The following SGMS2 variants were observed in gnomAD, a reference collection of about 807,000 sequenced individuals.
SGMS2 encodes phosphatidylcholine:ceramide cholinephosphotransferase 2.
A neutral mutation model predicts 43.8 loss-of-function variants in SGMS2; 21 were observed. The ratio of observed to expected loss-of-function variants is 0.48; its 90% CI spans 0.34 to 0.69. The LOEUF (loss-of-function observed/expected upper bound fraction) is 0.69, where lower values mean the gene tolerates loss of function less well. SGMS2 is among the 30% of genes least tolerant of loss of function. The pLI, the probability that SGMS2 is intolerant of heterozygous loss-of-function variation, is 0.01. For missense variants in SGMS2, 384 were observed against 443.2 expected (o/e 0.87, Z 1.20); for synonymous variants, 167 against 160.6 (o/e 1.04, Z -0.30).
At chr4:107,838,254 T>C (rs1479423262) in intron 1 of SGMS2, among the ~76,000 whole-genome samples, 1 of 152,096 alleles carries the variant, frequency 6.6e-6, no homozygotes, top group African/African-American at 2.4e-5. Flanking sequence ...AAGAGTTGAG[T>C]AAGATGAGAA....
intron 2 of SGMS2, among the ~76,000 whole-genome samples, chr4:107,885,029 T>G (rs1286506338): frequency 2.6e-5 from 4 of 152,216 alleles, no homozygotes; most frequent in Admixed American, 2.6e-4. Flanking sequence ...GATGGCAGTT[T>G]CATTAGTTCA....
intron 6 of SGMS2, among the ~76,000 whole-genome samples, chr4:107,909,801 T>C (rs1392062993): frequency 1.3e-5 from 2 of 152,234 alleles, no homozygotes; most frequent in Non-Finnish European, 2.9e-5. Context: ...AATTGAAATA[T>C]TACATTTCCA....
intron 2 of SGMS2, among the ~76,000 whole-genome samples, chr4:107,879,964 A>G (rs773354950): frequency 9.9e-5 from 15 of 152,096 alleles, no homozygotes; most frequent in Non-Finnish European, 1.9e-4. Flanking sequence ...TCAGATAACC[A>G]CTAATTACTT....
At chr4:107,887,787 A>AT (rs994556333) in intron 2 of SGMS2, among the ~76,000 whole-genome samples, 12 of 152,318 alleles carry the variant, frequency 7.9e-5, no homozygotes, top group African/African-American at 2.9e-4. Context: ...AGGAGACTTA[A>AT]TTTTCCAAAC....
intron 1 of SGMS2, among the ~76,000 whole-genome samples, chr4:107,849,745 C>G (rs1215303525): frequency 6.6e-6 from 1 of 152,182 alleles, no homozygotes. Flanking sequence ...GTCTTTTCCC[C>G]AGAAAGCCCT....
intron 2 of SGMS2, chr4:107,864,200 G>A (rs1053150210): frequency 6.6e-6 from 1 of 152,222 alleles, no homozygotes; most frequent in Non-Finnish European, 1.5e-5. Flanking sequence ...ATCTTTGCAA[G>A]GGAAATCAGA....
chr4:107,891,049 G>T (rs1730169280), intron 2 of SGMS2, among the ~76,000 whole-genome samples: 1 of 152,020 alleles, frequency 6.6e-6, no homozygotes. Flanking sequence ...GCTTTGTTAT[G>T]TAAATAAAGC....
At chr4:107,907,904 T>C (rs1731720290) in intron 5 of SGMS2, 1 of 152,218 alleles carries the variant, frequency 6.6e-6, no homozygotes, top group Non-Finnish European at 1.5e-5. Context: ...CTCTTACAGC[T>C]AGTAAGTAGA....
At chr4:107,864,609 G>A (rs1163476135) in intron 2 of SGMS2, among the ~76,000 whole-genome samples, 1 of 152,144 alleles carries the variant, frequency 6.6e-6, no homozygotes, top group Non-Finnish European at 1.5e-5. Context: ...TTAAAAATAT[G>A]TGTTTTTAAT....
chr4:107,896,588 A>T (rs531042129), intron 3 of SGMS2, among the ~76,000 whole-genome samples: 1 of 152,254 alleles, frequency 6.6e-6, no homozygotes, highest in Non-Finnish European at 1.5e-5. Flanking sequence ...CTGAGTTTAG[A>T]ACCAGATCCA....
chr4:107,846,376 C>T (rs1330305898), intron 1 of SGMS2, among the ~76,000 whole-genome samples: 1 of 148,258 alleles, frequency 6.7e-6, no homozygotes, highest in East Asian at 2.0e-4. Flanking sequence ...GGTTTTTTGT[C>T]CTTGCGATAG....
At chr4:107,880,218 T>C (rs548351625) in intron 2 of SGMS2, among the ~76,000 whole-genome samples, 129 of 152,278 alleles carry the variant, frequency 8.5e-4, no homozygotes, top group African/African-American at 2.9e-3. Context: ...GTCATCAAGA[T>C]ACCATCAAGC....
intron 1 of SGMS2, among the ~76,000 whole-genome samples, chr4:107,836,820 A>G (rs1421362958): frequency 2.0e-5 from 3 of 152,176 alleles, no homozygotes; most frequent in Admixed American, 2.0e-4. Flanking sequence ...ATTAGAATGT[A>G]AGAAGACCCA....
chr4:107,844,521 A>G (rs918279412), intron 1 of SGMS2, among the ~76,000 whole-genome samples: 3 of 152,012 alleles, frequency 2.0e-5, no homozygotes, highest in Non-Finnish European at 4.4e-5. Flanking sequence ...GGGCAATGTA[A>G]GGAAAGATAG....
intron 1 of SGMS2, among the ~76,000 whole-genome samples, chr4:107,848,140 A>G (rs749484465): frequency 2.4e-4 from 36 of 152,200 alleles, no homozygotes; most frequent in Non-Finnish European, 4.6e-4. Flanking sequence ...TACATTTTCT[A>G]GAATTTCATG....
intron 1 of SGMS2, among the ~76,000 whole-genome samples, chr4:107,845,809 G>A (rs1272233618): frequency 2.6e-5 from 4 of 152,220 alleles, no homozygotes; most frequent in Non-Finnish European, 1.5e-5. Flanking sequence ...CACGCTGAAT[G>A]AGGGATAAGG....
chr4:107,885,933 G>A (rs890043124), intron 2 of SGMS2, among the ~76,000 whole-genome samples: 7 of 152,228 alleles, frequency 4.6e-5, no homozygotes, highest in South Asian at 2.1e-4. Context: ...ACTTATTTGA[G>A]GAAAGCTGTA....
intron 2 of SGMS2, among the ~76,000 whole-genome samples, chr4:107,885,503 A>C (rs1411591071): frequency 6.6e-6 from 1 of 152,190 alleles, no homozygotes; most frequent in East Asian, 1.9e-4. Flanking sequence ...TCTAATACCT[A>C]GTGGGAAAAG....
At chr4:107,905,398 A>G (rs1452799594) in intron 5 of SGMS2, among the ~76,000 whole-genome samples, 4 of 152,196 alleles carry the variant, frequency 2.6e-5, no homozygotes, top group Non-Finnish European at 5.9e-5. Context: ...CATGAGAATT[A>G]TGGGAGCTAC....
Sources: gnomAD v4.1 joint callset for allele counts (sites outside exome capture counted in the v4.1 genomes callset) on GRCh38, gnomAD v4.1.1 for gene constraint, MANE v1.5 for transcripts, NCBI Gene and HGNC (gene_info 2026-07-23, HGNC 2026-07-21) for gene names.